Variants in ITGB3BP observed in about 807,000 individuals in gnomAD.
ITGB3BP encodes the protein integrin subunit beta 3 binding protein.
ITGB3BP carries 27 observed loss-of-function variants against 29.1 expected under a neutral mutation model. The observed-to-expected ratio is 0.93, with a 90% confidence interval of 0.68 to 1.28. ITGB3BP has a LOEUF of 1.28. ITGB3BP is among the 50% of genes most tolerant of loss of function. The pLI, the probability that ITGB3BP is intolerant of heterozygous loss-of-function variation, is 0.00. For missense variants in ITGB3BP, 192 were observed against 200.2 expected (o/e 0.96, Z 0.25); for synonymous variants, 61 against 61.4 (o/e 0.99, Z 0.03).
intron 4 of ITGB3BP, among the ~76,000 whole-genome samples, chr1:63,475,368 C>A (rs767442353): frequency 6.6e-6 from 1 of 152,028 alleles, no homozygotes; most frequent in Non-Finnish European, 1.5e-5. Flanking sequence ...TCAGCCTGGG[C>A]AACATGGCAA....
chr1:63,444,578 G>GAT (rs4025751), intron 8 of ITGB3BP, among the ~76,000 whole-genome samples: 84 of 142,026 alleles, frequency 5.9e-4, no homozygotes, highest in Admixed American at 9.2e-4. Context: ...TACATAATAG[G>GAT]ATATATATAT....
At chr1:63,447,611 T>G (rs1338798727) in intron 7 of ITGB3BP, 4 of 498,182 alleles carry the variant, frequency 8.0e-6, no homozygotes, top group Non-Finnish European at 1.6e-5. Context: ...CATCTGAGGC[T>G]GACCTTAAAG....
intron 1 of ITGB3BP, among the ~76,000 whole-genome samples, chr1:63,511,270 C>A (rs1180624644): frequency 1.3e-5 from 2 of 151,630 alleles, no homozygotes; most frequent in African/African-American, 4.8e-5. Flanking sequence ...AAAAACCAAA[C>A]AAAACAAAAA....
intron 7 of ITGB3BP, among the ~76,000 whole-genome samples, chr1:63,448,225 T>C (rs1390044472): frequency 6.8e-6 from 1 of 146,738 alleles, no homozygotes; most frequent in Non-Finnish European, 1.5e-5. Context: ...ATATACCTAA[T>C]GCTAAATGAC....
intron 2 of ITGB3BP, among the ~76,000 whole-genome samples, chr1:63,490,904 T>TA (rs1166934238): frequency 6.6e-6 from 1 of 152,172 alleles, no homozygotes; most frequent in African/African-American, 2.4e-5. Context: ...CCTAGAGAAC[T>TA]AAAAAATGTG....
chr1:63,488,365 G>A (rs1025570828), intron 3 of ITGB3BP, among the ~76,000 whole-genome samples: 2 of 151,970 alleles, frequency 1.3e-5, no homozygotes, highest in South Asian at 2.1e-4. Flanking sequence ...GGCCTTCCAT[G>A]TCATGATAAG....
At chr1:63,524,343 G>C (rs1646539889), upstream of ITGB3BP, among the ~76,000 whole-genome samples, 1 of 152,224 alleles carries the variant, frequency 6.6e-6, no homozygotes, top group African/African-American at 2.4e-5. Context: ...TAACCAGACT[G>C]TGACACCACA....
At chr1:63,523,458 TC>T, upstream of ITGB3BP, 1 of 430,446 alleles carries the variant, frequency 2.3e-6, no homozygotes, top group Non-Finnish European at 4.3e-6. Context: ...GATCAGCGCT[TC>T]CTAGATTTCT....
At position 63,455,067 on chromosome 1, in the gene ITGB3BP, A is replaced by T. The variant is rs1644913657; in HGVS notation, c.255-99T>A. 23 of 619,362 alleles carry T rather than the reference A, an allele frequency of 3.7e-5. No individual in the cohort carries two copies. In the East Asian group the frequency reaches 6.3e-4, roughly 17 times the overall value. 38.4% of individuals were successfully genotyped at this position (619,362 alleles called of 1,614,324 possible). On this transcript the variant is annotated intron_variant, in intron 4 of 8. Transcript: ENST00000271002. ...ACTCTTTTTAAAGGACCTTAGACTT[A>T]GGTTCTTTCATTCTTTACAAACACA...
At chr1:63,476,469 G>A (rs1234406577) in intron 4 of ITGB3BP, among the ~76,000 whole-genome samples, 1 of 152,176 alleles carries the variant, frequency 6.6e-6, no homozygotes, top group African/African-American at 2.4e-5. Context: ...GAGATCTTTA[G>A]AAACAAATAT....
chr1:63,490,320 T>C, intron 2 of ITGB3BP, 102 bp from the exon 3 acceptor site: 1 of 738,512 alleles, frequency 1.4e-6, no homozygotes, highest in Non-Finnish European at 2.2e-6. Flanking sequence ...ACTTGTTTCC[T>C]TGCTCTTGCT....
At chr1:63,487,101 A>C (rs1426313135) in intron 3 of ITGB3BP, among the ~76,000 whole-genome samples, 1 of 152,016 alleles carries the variant, frequency 6.6e-6, no homozygotes, top group African/African-American at 2.4e-5. Flanking sequence ...TTTTATAATA[A>C]ATTTGTGTAT....
At chr1:63,497,388 T>A (rs1645813045) in intron 2 of ITGB3BP, among the ~76,000 whole-genome samples, 1 of 152,206 alleles carries the variant, frequency 6.6e-6, no homozygotes, top group Non-Finnish European at 1.5e-5. Flanking sequence ...AGGGCTTTTG[T>A]TAATAGTATC....
At chr1:63,479,914 A>C (rs991389276) in intron 3 of ITGB3BP, among the ~76,000 whole-genome samples, 2 of 152,132 alleles carry the variant, frequency 1.3e-5, no homozygotes, top group African/African-American at 2.4e-5. Flanking sequence ...ATGGGAGTCC[A>C]GATATTTCTT....
intron 2 of ITGB3BP, among the ~76,000 whole-genome samples, chr1:63,503,490 T>G (rs1645992170): frequency 6.6e-6 from 1 of 152,362 alleles, no homozygotes; most frequent in Admixed American, 6.5e-5. Context: ...TAGTTTCTTC[T>G]GCTGTGCAGA....
At chr1:63,445,181 G>A (rs1315866407) in intron 8 of ITGB3BP, among the ~76,000 whole-genome samples, 2 of 152,110 alleles carry the variant, frequency 1.3e-5, no homozygotes, top group Non-Finnish European at 2.9e-5. Context: ...AGCTACTCGG[G>A]AGGCTGGGGC....
In ITGB3BP at chr1:63,481,694, G is replaced by C. The variant is rs780521339; in HGVS notation, c.185-2861C>G. Among the ~76,000 whole-genome samples the C allele has an allele frequency of 2.0e-5, 3 of 152,194 alleles. No individual in the cohort carries two copies. The South Asian group carries it at 6.2e-4, about 31-fold the overall frequency. On this transcript the variant is annotated intron_variant, in intron 3 of 8. Coordinates refer to ENST00000271002, the MANE Select transcript of ITGB3BP (RefSeq NM_014288.5). ...GCTCTTTCCCTAACAAATGAAGATA[G>C]CTTTCAACAAATTGTTAATACTTGG...
At chr1:63,503,361 TG>T (rs1436895143) in intron 2 of ITGB3BP, among the ~76,000 whole-genome samples, 1 of 151,960 alleles carries the variant, frequency 6.6e-6, no homozygotes, top group Non-Finnish European at 1.5e-5. Context: ...TTGATGGGGT[TG>T]TTTTTTTCTT....
intron 2 of ITGB3BP, among the ~76,000 whole-genome samples, chr1:63,493,698 A>G (rs1367106107): frequency 6.6e-6 from 1 of 152,076 alleles, no homozygotes; most frequent in Non-Finnish European, 1.5e-5. Context: ...CCTTCCTTCA[A>G]TTTCTTTCAC....
Sources: gnomAD v4.1 joint callset for allele counts (sites outside exome capture counted in the v4.1 genomes callset) on GRCh38, gnomAD v4.1.1 for gene constraint, MANE v1.5 for transcripts, NCBI Gene and HGNC (gene_info 2026-07-23, HGNC 2026-07-21) for gene names.